Variants in RAB6B observed in about 807,000 individuals in gnomAD.
RAB6B encodes the protein RAB6B, member RAS oncogene family, also known as ras-related protein Rab-6B.
A neutral mutation model predicts 31.2 loss-of-function variants in RAB6B; 7 were observed. The observed-to-expected ratio is 0.22, with a 90% CI of 0.13 to 0.42. RAB6B has a LOEUF of 0.42. RAB6B is among the 10% of genes least tolerant of loss of function. RAB6B has a pLI of 1.00. For synonymous variants in RAB6B, 105 were observed against 104.9 expected (o/e 1.00, Z -0.01); for missense variants, 149 against 280.6 (o/e 0.53, Z 3.35).
At chr3:133,843,302 C>G (rs1935863271) in intron 2 of RAB6B, among the ~76,000 whole-genome samples, 1 of 152,230 alleles carries the variant, frequency 6.6e-6, no homozygotes, top group Admixed American at 6.5e-5. Flanking sequence ...CTGGGAAGAT[C>G]AGAGCTGCAA....
In RAB6B at chr3:133,895,467, G is replaced by C. The variant is rs1443937612; in HGVS notation, c.-1C>G. 1 of 1,611,470 alleles carries C rather than the reference G, an allele frequency of 6.2e-7. No individual in the cohort carries two copies. The highest frequency in any genetic ancestry group is 8.5e-7 in the Non-Finnish European group (1 of 1,178,932). On this transcript the variant is annotated 5_prime_UTR_variant, in exon 1 of 8. Coordinates refer to ENST00000285208, the MANE Select transcript of RAB6B (RefSeq NM_016577.4). Reference sequence around the variant, plus strand: ...TCCCAAAATCTCCCCCTGCGGACATGGTGCTGGCAGCCGGGGCCGGGAGAG... The same window carrying C: ...TCCCAAAATCTCCCCCTGCGGACATCGTGCTGGCAGCCGGGGCCGGGAGAG...
intron 1 of RAB6B, among the ~76,000 whole-genome samples, chr3:133,872,076 G>A (rs1387160722): frequency 2.0e-5 from 3 of 152,210 alleles, no homozygotes; most frequent in Non-Finnish European, 4.4e-5. Context: ...ATCAGTCCCT[G>A]AGCCAGGAAA....
intron 4 of RAB6B, 112 bp downstream of exon 4, chr3:133,841,173 C>A: frequency 1.4e-6 from 1 of 703,622 alleles, no homozygotes; most frequent in Non-Finnish European, 2.3e-6. Context: ...CACACACATG[C>A]GTGTGCACAC....
intron 2 of RAB6B, among the ~76,000 whole-genome samples, chr3:133,858,799 A>G (rs1358346770): frequency 6.6e-6 from 1 of 152,158 alleles, no homozygotes; most frequent in South Asian, 2.1e-4. Flanking sequence ...CCCTGCCAAC[A>G]GCCCACTCAC....
intron 1 of RAB6B, among the ~76,000 whole-genome samples, chr3:133,883,270 A>G (rs55992705): frequency 0.16 from 24,187 of 152,116 alleles, 2,220 homozygotes; most frequent in Non-Finnish European, 0.22. Context: ...CCCTCCCTCA[A>G]CCTCCAAGGC....
chr3:133,861,910 G>A (rs1936166376), intron 2 of RAB6B, among the ~76,000 whole-genome samples: 1 of 152,164 alleles, frequency 6.6e-6, no homozygotes, highest in South Asian at 2.1e-4. Context: ...AACTTGGGGT[G>A]AGGTAAGCTG....
chr3:133,842,118 C>T (rs1407032796), intron 2 of RAB6B, among the ~76,000 whole-genome samples: 1 of 152,236 alleles, frequency 6.6e-6, no homozygotes, highest in African/African-American at 2.4e-5. Flanking sequence ...AGGCAGGGGG[C>T]AGGAGCAGGC....
chr3:133,895,838 T>C lies in RAB6B; in HGVS notation c.-372A>G. On this transcript the variant is annotated 5_prime_UTR_variant, in exon 1 of 8. Coordinates refer to ENST00000285208, the MANE Select transcript of RAB6B (RefSeq NM_016577.4). ...GGAGCGCTCTCCAGAGCCGCGCCAG[T>C]CGGCCCCCTCCCGCCTGCCTCCTCC... is the stretch of plus-strand genomic sequence containing the variant. The C allele has an allele frequency of 4.7e-6, 1 of 211,886 alleles. No homozygotes were observed. Among genetic ancestry groups the C allele is most frequent in the Non-Finnish European group, 9.3e-6 (1 of 107,284 alleles). The allele number at this position is 211,886 out of a possible 1,614,324, so 13.1% of individuals were successfully genotyped here.
chr3:133,851,798 T>C (rs1045269814), intron 2 of RAB6B, among the ~76,000 whole-genome samples: 1 of 152,160 alleles, frequency 6.6e-6, no homozygotes, highest in Non-Finnish European at 1.5e-5. Flanking sequence ...AGGAACTAAT[T>C]TGCATCTTCT....
rs995641061 is a variant in RAB6B at position 133,828,503 on chromosome 3, CAT to C, written c.*283_*284del. 6.6e-5 allele frequency: 31 copies of C among 470,696 alleles called. No individual in the cohort carries two copies. The highest frequency in any genetic ancestry group is 2.8e-4 in the South Asian group (10 of 35,310). 29.2% of individuals were successfully genotyped at this position (470,696 alleles called of 1,614,324 possible). A position where few individuals can be genotyped will look rare whatever the true frequency, so the allele number is the denominator to read the frequency against. The stretch of plus-strand genomic sequence containing the variant: ...TTTATCTGGCAAAAAATTGTATACA[CAT>C]GATTTAAATTTTTTTTAAATTTTAA... On this transcript the variant is annotated 3_prime_UTR_variant, in exon 8 of 8. Transcript: ENST00000285208.
Position 133,838,272 on chromosome 3 carries a change from G to T in RAB6B, c.402-13C>A, listed in dbSNP as rs371241160. 2.2e-5 allele frequency: 36 copies of T among 1,609,616 alleles called. No homozygotes were observed. Among genetic ancestry groups the T allele is most frequent in the Non-Finnish European group, 2.8e-5 (33 of 1,176,054 alleles). On this transcript the variant is annotated splice_polypyrimidine_tract_variant and intron_variant, in intron 5 of 7. Coordinates refer to ENST00000285208, the MANE Select transcript of RAB6B (RefSeq NM_016577.4). ...GATGGTTATCTGCCTAGAGATGAGG[G>T]GAAGGGGGGAAATCAGCTCAGCAGA... is the stretch of plus-strand genomic sequence containing the variant.
intron 2 of RAB6B, among the ~76,000 whole-genome samples, chr3:133,850,370 T>A (rs1031707771): frequency 3.9e-5 from 6 of 152,196 alleles, no homozygotes; most frequent in African/African-American, 1.4e-4. Flanking sequence ...AAATGGAGAC[T>A]AACTCTGAGG....
At chr3:133,863,470 C>T (rs180882719) in intron 2 of RAB6B, among the ~76,000 whole-genome samples, 58 of 152,300 alleles carry the variant, frequency 3.8e-4, no homozygotes, top group Admixed American at 2.3e-3. Flanking sequence ...CAGCAGTCCC[C>T]GCTGTGTTCT....
intron 2 of RAB6B, among the ~76,000 whole-genome samples, chr3:133,860,684 G>C (rs1305335757): frequency 6.6e-6 from 1 of 152,178 alleles, no homozygotes; most frequent in Non-Finnish European, 1.5e-5. Flanking sequence ...GGCTCTGTGG[G>C]ACCCAGGAAA....
At chr3:133,884,836 A>G (rs1224186971) in intron 1 of RAB6B, among the ~76,000 whole-genome samples, 1 of 147,460 alleles carries the variant, frequency 6.8e-6, no homozygotes, top group Non-Finnish European at 1.5e-5. Context: ...CAATGATCAG[A>G]GGATGGGGGG....
intron 1 of RAB6B, among the ~76,000 whole-genome samples, chr3:133,879,878 A>G (rs1474174126): frequency 1.3e-5 from 2 of 152,242 alleles, no homozygotes; most frequent in Non-Finnish European, 2.9e-5. Context: ...CTCATAGCTC[A>G]GAGAACAAGA....
At chr3:133,884,155 A>G (rs1192734037) in intron 1 of RAB6B, among the ~76,000 whole-genome samples, 2 of 152,262 alleles carry the variant, frequency 1.3e-5, no homozygotes, top group Admixed American at 6.5e-5. Context: ...TCCATGCACC[A>G]GCTACACTGG....
At chr3:133,828,925 C>A in intron 7 of RAB6B, 73 bp from the exon 8 acceptor site, 2 of 1,349,664 alleles carry the variant, frequency 1.5e-6, no homozygotes, top group Non-Finnish European at 2.0e-6. Context: ...GTGCACTGTA[C>A]CCTTTGGCTA....
At chr3:133,852,084 A>G (rs1056447553) in intron 2 of RAB6B, among the ~76,000 whole-genome samples, 2 of 152,192 alleles carry the variant, frequency 1.3e-5, no homozygotes, top group Non-Finnish European at 2.9e-5. Flanking sequence ...TGGTTTTGCG[A>G]GGCAGCTGGG....
Sources: allele counts gnomAD v4.1 joint callset (sites outside exome capture counted in the v4.1 genomes callset), GRCh38; gene constraint gnomAD v4.1.1; transcripts MANE v1.5; gene names NCBI Gene and HGNC (gene_info 2026-07-23, HGNC 2026-07-21).